Variants in NME7 observed in about 807,000 individuals in gnomAD.
NME7 encodes NME/NM23 family member 7.
In NME7, 41 loss-of-function variants were observed where a neutral mutation model predicts 49.1. That is an observed-to-expected ratio of 0.83 (90% CI 0.65 to 1.08). NME7 has a LOEUF of 1.08. Ranked by LOEUF, NME7 falls within the 50% of genes least tolerant of loss-of-function variation. NME7 has a pLI of 0.00. For missense variants in NME7, 423 were observed against 463.4 expected (o/e 0.91, Z 0.80); for synonymous variants, 139 against 150.6 (o/e 0.92, Z 0.56).
chr1:169,279,352 T>C (rs946408575), intron 7 of NME7, among the ~76,000 whole-genome samples: 2 of 152,206 alleles, frequency 1.3e-5, no homozygotes, highest in African/African-American at 4.8e-5. Flanking sequence ...CAGTTCGAGC[T>C]TCCAGGCTGC....
intron 11 of NME7, among the ~76,000 whole-genome samples, chr1:169,161,969 T>C (rs527819827): frequency 6.9e-6 from 1 of 144,462 alleles, no homozygotes; most frequent in African/African-American, 2.5e-5. Flanking sequence ...GATGTTTTTT[T>C]TAGATATGCA....
At chr1:169,353,127 C>T (rs1329238614) in intron 1 of NME7, among the ~76,000 whole-genome samples, 2 of 152,006 alleles carry the variant, frequency 1.3e-5, no homozygotes, top group East Asian at 1.9e-4. Context: ...AAAAATCACA[C>T]TATCTGACTT....
intron 6 of NME7, among the ~76,000 whole-genome samples, chr1:169,294,566 T>G (rs1293961992): frequency 6.6e-6 from 1 of 152,116 alleles, no homozygotes; most frequent in Non-Finnish European, 1.5e-5. Flanking sequence ...GTTTTTCAAT[T>G]TTTTAAGACC....
chr1:169,150,819 G>C (rs1201790250), intron 11 of NME7, among the ~76,000 whole-genome samples: 1 of 150,214 alleles, frequency 6.7e-6, no homozygotes, highest in Non-Finnish European at 1.5e-5. Flanking sequence ...TAGCACCTGG[G>C]TACTGACCTT....
chr1:169,246,733 C>A (rs1374086861), intron 7 of NME7, among the ~76,000 whole-genome samples: 2 of 152,082 alleles, frequency 1.3e-5, no homozygotes, highest in Non-Finnish European at 2.9e-5. Context: ...CATGTGCCAC[C>A]ATGCCCAGCT....
At chr1:169,348,910 A>AAT (rs67477713) in intron 1 of NME7, among the ~76,000 whole-genome samples, 3 of 151,390 alleles carry the variant, frequency 2.0e-5, no homozygotes, top group South Asian at 2.1e-4. Context: ...AAAAAAAAAA[A>AAT]TTTTAAACAT....
intron 1 of NME7, among the ~76,000 whole-genome samples, chr1:169,367,227 G>A (rs1653903826): frequency 6.6e-6 from 1 of 152,132 alleles, no homozygotes; most frequent in African/African-American, 2.4e-5. Context: ...ATAGAAGAGC[G>A]CTGATCCAAC....
At chr1:169,296,778 T>G (rs975865866) in intron 6 of NME7, among the ~76,000 whole-genome samples, 1 of 152,150 alleles carries the variant, frequency 6.6e-6, no homozygotes, top group African/African-American at 2.4e-5. Flanking sequence ...TAATACTTGG[T>G]ATCTTTTTCT....
intron 1 of NME7, 144 bp from the exon 2 acceptor site, chr1:169,324,644 G>GT (rs1200433359): frequency 1.7e-6 from 1 of 586,316 alleles, no homozygotes; most frequent in East Asian, 2.8e-5. Flanking sequence ...TTTCAACAAA[G>GT]TATCAGTTAT....
chr1:169,179,100 C>T (rs1019256999), intron 10 of NME7, among the ~76,000 whole-genome samples: 1 of 152,154 alleles, frequency 6.6e-6, no homozygotes, highest in Non-Finnish European at 1.5e-5. Flanking sequence ...GGATTACAGG[C>T]ATGAGCCACC....
At chr1:169,258,375 CATATATAT>C (rs71121749) in intron 7 of NME7, among the ~76,000 whole-genome samples, 1,028 of 86,788 alleles carry the variant, frequency 0.012, 114 homozygotes, top group African/African-American at 0.033. Context: ...TAAAATAAAA[CATATATAT>C]ATATATATAT....
chr1:169,301,716 T>C (rs1365977535), intron 5 of NME7, among the ~76,000 whole-genome samples: 3 of 151,906 alleles, frequency 2.0e-5, no homozygotes, highest in African/African-American at 7.3e-5. Flanking sequence ...GGTATATATA[T>C]ATAACACAGA....
intron 1 of NME7, among the ~76,000 whole-genome samples, chr1:169,359,204 G>A (rs10465575): frequency 1.3e-5 from 2 of 151,828 alleles, no homozygotes; most frequent in African/African-American, 4.8e-5. Flanking sequence ...CTTACAACAC[G>A]TAATACAATG....
In NME7 at chr1:169,325,800, A is replaced by G. The variant is rs528384784; in HGVS notation, c.4-1300T>C. Among the ~76,000 whole-genome samples the G allele has an allele frequency of 2.8e-3, 423 of 152,208 alleles. 1 individual carries two copies. The highest frequency in any genetic ancestry group is 4.4e-3 in the Non-Finnish European group (298 of 68,014). ...ACACTTTTATTTTTAAGACACTTTT[A>G]TTTTTCCCACAATCATCCAAAGACA... On this transcript the variant is annotated intron_variant, in intron 1 of 11. Coordinates refer to ENST00000367811, the MANE Select transcript of NME7 (RefSeq NM_013330.5).
Position 169,272,784 on chromosome 1 carries a change from G to T in NME7, c.754+14519C>A, listed in dbSNP as rs77408992. Among the ~76,000 whole-genome samples, 2 of 133,044 alleles carry T rather than the reference G, an allele frequency of 1.5e-5. 1 individual carries two copies. Among genetic ancestry groups the T allele is most frequent in the Admixed American group, 1.5e-4 (2 of 13,506 alleles). The allele number at this position is 133,044 out of a possible 152,430, so 87.3% of individuals were successfully genotyped here. On this transcript the variant is annotated intron_variant, in intron 7 of 11. Transcript: ENST00000367811. Reference sequence around the variant, plus strand: ...CGTGCATGTATTTTTATAATAGAACGATTTACATTCCTTTGGGTATATACC... The same window carrying T: ...CGTGCATGTATTTTTATAATAGAACTATTTACATTCCTTTGGGTATATACC...
chr1:169,239,301 C>T (rs889656763), intron 7 of NME7, among the ~76,000 whole-genome samples: 7 of 151,736 alleles, frequency 4.6e-5, no homozygotes, highest in East Asian at 3.9e-4. Context: ...AGCTTCAAAG[C>T]GTGGATGGCA....
chr1:169,233,013 G>C (rs1224985627), intron 9 of NME7, among the ~76,000 whole-genome samples: 2 of 147,916 alleles, frequency 1.4e-5, no homozygotes, highest in African/African-American at 5.0e-5. Context: ...CAGCCTCCAG[G>C]GTTCAAGCTA....
Position 169,274,974 on chromosome 1 carries a change from T to C in NME7, c.754+12329A>G, listed in dbSNP as rs1366203418. ...GGCTCTTTTTTGGTTCCATATGAAA[T>C]TTAAAGTAGTTTTTTCCAATTCTGT... On this transcript the variant is annotated intron_variant, in intron 7 of 11. Transcript: ENST00000367811. Among the ~76,000 whole-genome samples the C allele has an allele frequency of 1.5e-5, 2 of 132,406 alleles. 1 individual carries two copies. The allele number at this position is 132,406 out of a possible 152,430, so 86.9% of individuals were successfully genotyped here.
At chr1:169,297,502 C>T (rs949357947) in intron 6 of NME7, among the ~76,000 whole-genome samples, 2 of 152,158 alleles carry the variant, frequency 1.3e-5, no homozygotes, top group Non-Finnish European at 2.9e-5. Flanking sequence ...GTCCTCTTTG[C>T]TGTTAGTTGA....
Sources: allele counts gnomAD v4.1 joint callset (sites outside exome capture counted in the v4.1 genomes callset), GRCh38; gene constraint gnomAD v4.1.1; transcripts MANE v1.5; gene names NCBI Gene and HGNC (gene_info 2026-07-23, HGNC 2026-07-21).